ITSN1: variants seen among roughly 807,000 people sequenced by gnomAD.
ITSN1 encodes intersectin 1, also known as intersectin-1.
In ITSN1, 58 loss-of-function variants were observed where a neutral mutation model predicts 239.8. That is an observed-to-expected ratio of 0.24 (90% confidence interval 0.20 to 0.30). ITSN1 has a LOEUF of 0.30. Ranked by LOEUF, ITSN1 falls within the 10% of genes least tolerant of loss-of-function variation. ITSN1 has a pLI of 1.00. For synonymous variants in ITSN1, 780 were observed against 770.8 expected, an observed-to-expected ratio of 1.01 and a Z score of -0.20; for missense variants, 1,558 against 2,103.3, an observed-to-expected ratio of 0.74 and a Z score of 5.07.
chr21:33,803,441 A>G (rs1373243070), intron 20 of ITSN1, among the ~76,000 whole-genome samples: 1 of 152,186 alleles, frequency 6.6e-6, no homozygotes, highest in African/African-American at 2.4e-5. Flanking sequence ...CAGTAAAGGG[A>G]TGGCTTAAAT....
At chr21:33,721,406 G>T in intron 3 of ITSN1, 136 bp downstream of exon 3, 1 of 604,650 alleles carries the variant, frequency 1.7e-6, no homozygotes, top group Non-Finnish European at 2.9e-6. Flanking sequence ...CCTTGTGCCT[G>T]TCCTTTTACA....
At chr21:33,737,699 G>T (rs192035874) in intron 5 of ITSN1, among the ~76,000 whole-genome samples, 1 of 151,898 alleles carries the variant, frequency 6.6e-6, no homozygotes, top group Admixed American at 6.6e-5. Context: ...TCAGCCTCCC[G>T]AGTAGCTGGG....
intron 16 of ITSN1, among the ~76,000 whole-genome samples, chr21:33,783,311 C>A (rs1293289865): frequency 2.6e-5 from 4 of 152,048 alleles, no homozygotes; most frequent in Non-Finnish European, 5.9e-5. Context: ...TAATAGTTGA[C>A]CTTTGGATTG....
rs780907492 is a variant in ITSN1, at chr21:33,811,207, C to T, written c.2552C>T (p.Ala851Val). The T allele has an allele frequency of 6.3e-7, 1 of 1,592,636 alleles. No homozygotes were observed. The highest frequency in any genetic ancestry group is 2.2e-5 in the East Asian group (1 of 44,522). The change falls in exon 21 of 40, where the codon GCC (alanine) becomes GTC (valine). Residue 851 changes from alanine (A) to valine (V), a missense_variant. Physicochemically the swap from Ala to Val is moderately conservative, Grantham distance 64. This residue lies in a region of ITSN1 where 982 missense variants were observed against 1,209.9 expected (regional missense o/e 0.81). Coordinates refer to ENST00000381318, the MANE Select transcript of ITSN1 (RefSeq NM_003024.3). ...CCCTCCACGACCCCTAATAACTGGG[C>T]CGACTTCAGCTCCACGTACGTGTTG... Reference protein sequence around the residue: ...SEPSTTPNNWADFSSTWPTST... With the variant: ...SEPSTTPNNWVDFSSTWPTST...
In ITSN1 at chr21:33,875,348, G is replaced by A. The variant is rs756024343; in HGVS notation, c.4174-6G>A. Reference sequence around the variant, plus strand: ...AGGAGGTGGTTGTTTTTATTCTCCTGTGTAGATCCTGGAAAACACCCCTGA... The same window carrying A: ...AGGAGGTGGTTGTTTTTATTCTCCTATGTAGATCCTGGAAAACACCCCTGA... On this transcript the variant is annotated splice_polypyrimidine_tract_variant and splice_region_variant and intron_variant, in intron 33 of 39. Transcript: ENST00000381318. The A allele has an allele frequency of 2.5e-6, 4 of 1,614,016 alleles. No individual in the cohort carries two copies. The highest frequency in any genetic ancestry group is 4.5e-5 in the East Asian group (2 of 44,896).
rs186925407 is a variant in ITSN1, at chr21:33,824,957, A to C, written c.3183+1304A>C. ...TTTCAGACCTGGAAACAGAGAATTC[A>C]ATTCTTCTCCAGGCCAGCAAGTCGA... On this transcript the variant is annotated intron_variant, in intron 25 of 39. Transcript: ENST00000381318. Among the ~76,000 whole-genome samples, 1,073 of 152,298 alleles carry C rather than the reference A, an allele frequency of 7.0e-3. 10 individuals carry two copies. Among genetic ancestry groups the C allele is most frequent in the Non-Finnish European group, 0.011 (719 of 68,028 alleles).
At chr21:33,856,269 G>A (rs1979308757) in intron 29 of ITSN1, among the ~76,000 whole-genome samples, 1 of 152,080 alleles carries the variant, frequency 6.6e-6, no homozygotes, top group African/African-American at 2.4e-5. Flanking sequence ...CAGTTTCTAG[G>A]GTGCCCTAAC....
chr21:33,715,370 A>G (rs757158512), intron 1 of ITSN1, among the ~76,000 whole-genome samples: 3 of 152,202 alleles, frequency 2.0e-5, no homozygotes, highest in Non-Finnish European at 4.4e-5. Context: ...TTATTTTGCA[A>G]CACAGTAAAA....
At position 33,718,815 on chromosome 21, in the gene ITSN1, A is replaced by C; in HGVS notation, c.-14A>C. On this transcript the variant is annotated 5_prime_UTR_variant, in exon 2 of 40. It removes the in-frame stop codon of an upstream open reading frame in the 5' UTR. Transcript: ENST00000381318. The stretch of plus-strand genomic sequence containing the variant: ...CTTACAGGCGTCGATTAGCAAGGTA[A>C]AAGTAACAGAACCATGGCTCAGTTT... 6.2e-7 allele frequency: 1 copy of C among 1,612,280 alleles called. No individual in the cohort carries two copies. Among genetic ancestry groups the C allele is most frequent in the Non-Finnish European group, 8.5e-7 (1 of 1,179,046 alleles).
At chr21:33,779,737 G>A (rs2069995437) in intron 14 of ITSN1, among the ~76,000 whole-genome samples, 1 of 152,142 alleles carries the variant, frequency 6.6e-6, no homozygotes, top group Admixed American at 6.5e-5. Flanking sequence ...TTATACATTT[G>A]AAATTTGAGA....
At chr21:33,716,248 C>T (rs2065131491) in intron 1 of ITSN1, among the ~76,000 whole-genome samples, 1 of 152,154 alleles carries the variant, frequency 6.6e-6, no homozygotes, top group Non-Finnish European at 1.5e-5. Context: ...CCTTCCTCTC[C>T]TACACTCCAG....
intron 21 of ITSN1, among the ~76,000 whole-genome samples, chr21:33,813,633 A>C (rs1368386043): frequency 1.3e-5 from 2 of 152,142 alleles, no homozygotes; most frequent in Admixed American, 6.5e-5. Flanking sequence ...GATTACAGGC[A>C]TGAGCCACTG....
chr21:33,811,368 C>A (rs1171317213), intron 21 of ITSN1, 146 bp downstream of exon 21: 1 of 671,876 alleles, frequency 1.5e-6, no homozygotes. Flanking sequence ...CTCTAGCTGG[C>A]GAATTGGAGA....
At chr21:33,743,786 A>G (rs2067009990) in intron 5 of ITSN1, among the ~76,000 whole-genome samples, 1 of 152,264 alleles carries the variant, frequency 6.6e-6, no homozygotes, top group Admixed American at 6.5e-5. Flanking sequence ...GGAAAATTAG[A>G]TTATGTTCAG....
chr21:33,770,707 A>G (rs79063600), intron 11 of ITSN1, among the ~76,000 whole-genome samples: 135 of 151,900 alleles, frequency 8.9e-4, no homozygotes, highest in African/African-American at 3.2e-3. Flanking sequence ...TTTGAGATTC[A>G]TCCACCTTGC....
intron 9 of ITSN1, 134 bp from the exon 10 acceptor site, chr21:33,765,741 T>A: frequency 1.2e-6 from 1 of 832,862 alleles, no homozygotes; most frequent in East Asian, 2.6e-5. Flanking sequence ...TAGGTACTAT[T>A]TTGACAAAAT....
intron 1 of ITSN1, among the ~76,000 whole-genome samples, chr21:33,693,779 C>CT (rs1008345179): frequency 6.6e-6 from 1 of 152,152 alleles, no homozygotes. Context: ...GGGTTGGTAG[C>CT]TTTTTTCTCT....
chr21:33,667,496 T>TA (rs1169240840), intron 1 of ITSN1, among the ~76,000 whole-genome samples: 2 of 152,230 alleles, frequency 1.3e-5, no homozygotes, highest in Non-Finnish European at 2.9e-5. Context: ...TTATCATCTT[T>TA]ACTGCTTCAG....
At chr21:33,800,885 GCTCACTGCAACCTCTGC>G (rs1207094969) in intron 19 of ITSN1, among the ~76,000 whole-genome samples, 2 of 138,270 alleles carry the variant, frequency 1.4e-5, no homozygotes, top group African/African-American at 5.1e-5. Flanking sequence ...TGTGATATTG[GCTCACTGCAACCTCTGC>G]CTCCCTGCAA....
Sources: gnomAD v4.1 joint callset for allele counts (sites outside exome capture counted in the v4.1 genomes callset) on GRCh38, gnomAD v4.1.1 for gene constraint, gnomAD v4.1.1 regional missense constraint, MANE v1.5 for transcripts, NCBI Gene and HGNC (gene_info 2026-07-23, HGNC 2026-07-21) for gene names.